The following HIVEP3 variants were observed in gnomAD, a reference collection of about 807,000 sequenced individuals.
HIVEP3 encodes transcription factor HIVEP3.
In HIVEP3, 49 loss-of-function variants were observed where a neutral mutation model predicts 152.8. That is an observed-to-expected ratio of 0.32 (90% CI 0.26 to 0.41). The LOEUF is 0.41. Among genes scored for constraint, HIVEP3 ranks in the 10% least tolerant of loss-of-function variants. HIVEP3 has a pLI of 1.00. For missense variants in HIVEP3, 2,790 were observed against 3,103.3 expected, an observed-to-expected ratio of 0.90 and a Z score of 2.40; for synonymous variants, 1,269 against 1,289.0, an observed-to-expected ratio of 0.98 and a Z score of 0.33.
chr1:41,653,364 C>T (rs1053395202), intron 2 of HIVEP3, among the ~76,000 whole-genome samples: 1 of 152,116 alleles, frequency 6.6e-6, no homozygotes, highest in African/African-American at 2.4e-5. Flanking sequence ...TACTATTTTG[C>T]AGATACCCAA....
At chr1:41,858,921 T>C (rs1009688795) in intron 1 of HIVEP3, among the ~76,000 whole-genome samples, 3 of 152,146 alleles carry the variant, frequency 2.0e-5, no homozygotes, top group Non-Finnish European at 4.4e-5. Context: ...AAGAAGGCCA[T>C]TGTGGCTGGA....
chr1:41,882,276 C>T (rs1029268081), intron 1 of HIVEP3, among the ~76,000 whole-genome samples: 6 of 152,144 alleles, frequency 3.9e-5, no homozygotes, highest in African/African-American at 4.8e-5. Context: ...GAGCTGCACG[C>T]GGGAGGGAAA....
intron 1 of HIVEP3, among the ~76,000 whole-genome samples, chr1:41,725,868 A>G (rs1646744791): frequency 6.6e-6 from 1 of 152,238 alleles, no homozygotes; most frequent in African/African-American, 2.4e-5. Context: ...CCGACATTCT[A>G]TAAAATTTAT....
At position 41,887,322 on chromosome 1, in the gene HIVEP3, T is replaced by G. The variant is rs189106550; in HGVS notation, c.-801+31091A>C. Among the ~76,000 whole-genome samples the G allele has an allele frequency of 3.9e-5, 6 of 152,360 alleles. No individual in the cohort carries two copies. The East Asian group carries it at 1.2e-3, about 29-fold the overall frequency. ...AAACGTATATTGAATGTGATTTATTTTCTTATTCTAAATAAATATTCACCA... is the reference window on the plus strand; with the variant it reads ...AAACGTATATTGAATGTGATTTATTGTCTTATTCTAAATAAATATTCACCA... On this transcript the variant is annotated intron_variant, in intron 1 of 8. Transcript: ENST00000372583.
intron 7 of HIVEP3, among the ~76,000 whole-genome samples, chr1:41,516,406 C>T (rs962175243): frequency 6.6e-5 from 10 of 152,236 alleles, no homozygotes; most frequent in African/African-American, 2.2e-4. Flanking sequence ...TCTGTCTCGT[C>T]GCGGGAAGTG....
intron 1 of HIVEP3, among the ~76,000 whole-genome samples, chr1:41,942,407 C>T (rs771246732): frequency 8.5e-5 from 13 of 152,206 alleles, no homozygotes; most frequent in Non-Finnish European, 1.6e-4. Flanking sequence ...ATTAGAACTA[C>T]ACTAACACAT....
At chr1:41,835,742 G>A (rs868657435) in intron 1 of HIVEP3, among the ~76,000 whole-genome samples, 5 of 152,182 alleles carry the variant, frequency 3.3e-5, no homozygotes, top group South Asian at 2.1e-4. Flanking sequence ...TGATTCAGAA[G>A]TGCTGTGGTA....
At chr1:41,762,686 T>G (rs1434168484) in intron 1 of HIVEP3, among the ~76,000 whole-genome samples, 1 of 152,236 alleles carries the variant, frequency 6.6e-6, no homozygotes, top group Admixed American at 6.5e-5. Flanking sequence ...CACACTTGCT[T>G]GCTCACACAC....
intron 2 of HIVEP3, among the ~76,000 whole-genome samples, chr1:41,644,315 T>C (rs570805083): frequency 5.6e-4 from 85 of 152,174 alleles, no homozygotes; most frequent in African/African-American, 2.0e-3. Flanking sequence ...AGGAGGTGGG[T>C]GAACAGGACC....
chr1:41,752,126 C>A (rs2124225933), intron 1 of HIVEP3, among the ~76,000 whole-genome samples: 1 of 152,292 alleles, frequency 6.6e-6, no homozygotes, highest in South Asian at 2.1e-4. Flanking sequence ...CACTGGACTG[C>A]CTTTCTGTTT....
Position 41,943,009 on chromosome 1 carries a change from C to A in HIVEP3, n.120-24485G>T, listed in dbSNP as rs532186396. Among the ~76,000 whole-genome samples, 10 of 152,224 alleles carry A rather than the reference C, an allele frequency of 6.6e-5. No homozygotes were observed. In the South Asian group the frequency reaches 2.1e-3, roughly 32 times the overall value. Reference sequence around the variant, plus strand: ...CGGCCTCCCGGGTTCACACCATTCTCCTGCCTCAGCCTCCCAAGTAGCTGG... The same window carrying A: ...CGGCCTCCCGGGTTCACACCATTCTACTGCCTCAGCCTCCCAAGTAGCTGG... On this transcript the variant is annotated intron_variant and non_coding_transcript_variant, in intron 1 of 3. Transcript: ENST00000489103.
intron 1 of HIVEP3, among the ~76,000 whole-genome samples, chr1:41,821,504 TGCTGAAGG>T (rs1642600058): frequency 6.6e-6 from 1 of 152,174 alleles, no homozygotes; most frequent in African/African-American, 2.4e-5. Flanking sequence ...TGAGTCATTC[TGCTGAAGG>T]GCTTCCCCTA....
Position 41,584,335 on chromosome 1 carries a change from C to CG in HIVEP3, c.462dup (p.Glu155ArgfsTer63). The CG allele has an allele frequency of 6.2e-7, 1 of 1,613,538 alleles. No homozygotes were observed. Among genetic ancestry groups the CG allele is most frequent in the South Asian group, 1.1e-5 (1 of 91,032 alleles). On this transcript the variant is annotated frameshift_variant, in exon 4 of 9. Transcript: ENST00000372583. LOFTEE classifies it high-confidence loss of function. The surrounding 1 kb of genome is among the most constrained non-coding windows in gnomAD (Gnocchi z 5.2). ...ACTTTGGGGACTCCAGGAAGGTCCT[C>CG]GGGGGGAATGATGGAAGCGTGGGAA... is the stretch of plus-strand genomic sequence containing the variant.
chr1:41,778,517 C>A (rs1648849991), intron 1 of HIVEP3, among the ~76,000 whole-genome samples: 1 of 152,236 alleles, frequency 6.6e-6, no homozygotes, highest in Admixed American at 6.5e-5. Context: ...CTCAGCCTTG[C>A]CCCAGGCTCA....
In HIVEP3 at chr1:41,510,317, C is replaced by A; in HGVS notation, c.*134G>T. 1 of 677,986 alleles carries A rather than the reference C, an allele frequency of 1.5e-6. No individual in the cohort carries two copies. The highest frequency in any genetic ancestry group is 2.2e-6 in the Non-Finnish European group (1 of 450,348). The allele number at this position is 677,986 out of a possible 1,614,324, so 42.0% of individuals were successfully genotyped here. A position where few individuals can be genotyped will look rare whatever the true frequency, so the allele number is the denominator to read the frequency against. ...AGGTAACTGCATACATGGGAAGGTA[C>A]AACAGATGGGGCCGTGAGAGCTCCT... On this transcript the variant is annotated 3_prime_UTR_variant, in exon 9 of 9. Transcript: ENST00000372583.
chr1:41,889,613 C>A (rs548011408), intron 1 of HIVEP3, among the ~76,000 whole-genome samples: 2 of 152,184 alleles, frequency 1.3e-5, no homozygotes, highest in African/African-American at 4.8e-5. Flanking sequence ...CAAAAATTCA[C>A]GCATTCTAGA....
intron 1 of HIVEP3, among the ~76,000 whole-genome samples, chr1:41,844,819 G>A (rs1570652944): frequency 6.6e-6 from 1 of 152,206 alleles, no homozygotes; most frequent in Admixed American, 6.5e-5. Context: ...ATAAAGAAAG[G>A]AAAATCTAAC....
intron 3 of HIVEP3, among the ~76,000 whole-genome samples, chr1:41,588,224 G>T (rs1198276314): frequency 6.6e-6 from 1 of 152,164 alleles, no homozygotes; most frequent in East Asian, 1.9e-4. Flanking sequence ...GCCTTTGGGT[G>T]CTATGTGTGG....
chr1:41,771,378 C>T (rs1481970539), intron 1 of HIVEP3, among the ~76,000 whole-genome samples: 2 of 152,020 alleles, frequency 1.3e-5, no homozygotes, highest in Non-Finnish European at 2.9e-5. Context: ...TAAGGCTGAC[C>T]TGGAGTAATA....
Sources: gnomAD v4.1 joint callset for allele counts (sites outside exome capture counted in the v4.1 genomes callset) on GRCh38, gnomAD v4.1.1 for gene constraint, Gnocchi (gnomAD v3.1) non-coding constraint, MANE v1.5 for transcripts, NCBI Gene and HGNC (gene_info 2026-07-23, HGNC 2026-07-21) for gene names.